The following IGSF23 variants were observed in gnomAD, a reference collection of about 807,000 sequenced individuals.
The protein encoded by IGSF23 is immunoglobulin superfamily member 23, also known as immunoglobulin superfamily, member 23.
Under a neutral mutation model 17.8 loss-of-function variants are expected in IGSF23, and 14 were observed. The ratio of observed to expected loss-of-function variants is 0.79; its 90% confidence interval spans 0.52 to 1.23. The LOEUF is 1.23. Among genes scored for constraint, IGSF23 ranks in the 50% most tolerant of loss-of-function variants. The pLI, the probability that IGSF23 is intolerant of heterozygous loss-of-function variation, is 0.00. For synonymous variants in IGSF23, 85 were observed against 92.5 expected (o/e 0.92, Z 0.46); for missense variants, 214 against 241.7 (o/e 0.89, Z 0.76).
In IGSF23 at chr19:44,633,923, TG is replaced by T. The variant is rs1972825867; in HGVS notation, c.546-1477del. ...CTGCTTTCCAGGGAACAGAAGTAGA[TG>T]TAACAATTTGAATTTCCTCATTGTA... On this transcript the variant is annotated intron_variant, in intron 3 of 4. Transcript: ENST00000402988. Among the ~76,000 whole-genome samples, 3 of 152,344 alleles carry T rather than the reference TG, an allele frequency of 2.0e-5. No individual in the cohort carries two copies. In the South Asian group the frequency reaches 6.2e-4, roughly 32 times the overall value.
intron 4 of IGSF23, among the ~76,000 whole-genome samples, chr19:44,636,022 G>A (rs1337548537): frequency 6.6e-6 from 1 of 152,180 alleles, no homozygotes; most frequent in Non-Finnish European, 1.5e-5. Flanking sequence ...TCATAGCTGG[G>A]ACAACTGGCC....
chr19:44,631,227 AC>A (rs1972759683), intron 3 of IGSF23, among the ~76,000 whole-genome samples: 3 of 152,178 alleles, frequency 2.0e-5, no homozygotes, highest in Admixed American at 2.0e-4. Context: ...TTATTGCTCT[AC>A]TGCACTCCAG....
chr19:44,625,007 C>T (rs1394289871), intron 2 of IGSF23, among the ~76,000 whole-genome samples: 1 of 151,676 alleles, frequency 6.6e-6, no homozygotes, highest in South Asian at 2.1e-4. Flanking sequence ...TTTAAGGCTA[C>T]AGTGAGCTGT....
At chr19:44,624,893 C>A in intron 2 of IGSF23, among the ~76,000 whole-genome samples, 1 of 118,930 alleles carries the variant, frequency 8.4e-6, no homozygotes, top group African/African-American at 3.2e-5. Flanking sequence ...GAGACCCTGT[C>A]TCTACCAAAA....
intron 1 of IGSF23, among the ~76,000 whole-genome samples, chr19:44,619,860 T>C (rs1218740234): frequency 6.6e-6 from 1 of 152,222 alleles, no homozygotes; most frequent in Non-Finnish European, 1.5e-5. Context: ...GGTCACATTC[T>C]GAGGTACTGG....
intron 2 of IGSF23, among the ~76,000 whole-genome samples, chr19:44,627,085 G>C (rs754485970): frequency 6.6e-5 from 10 of 152,162 alleles, no homozygotes; most frequent in Admixed American, 2.0e-4. Flanking sequence ...GGCAATGAGA[G>C]AGATGAGGCT....
intron 1 of IGSF23, among the ~76,000 whole-genome samples, chr19:44,614,535 C>G (rs547595232): frequency 6.6e-6 from 1 of 152,170 alleles, no homozygotes; most frequent in East Asian, 1.9e-4. Context: ...TGGGCTGAAG[C>G]TGTTCTCCTG....
chr19:44,631,131 A>G (rs2123726584), intron 3 of IGSF23, among the ~76,000 whole-genome samples: 1 of 150,668 alleles, frequency 6.6e-6, no homozygotes, highest in Admixed American at 6.6e-5. Context: ...ACTGGGCATG[A>G]TAACACATGC....
chr19:44,624,477 G>GTT (rs1011260855), intron 2 of IGSF23, among the ~76,000 whole-genome samples: 5 of 151,846 alleles, frequency 3.3e-5, no homozygotes, highest in Non-Finnish European at 7.4e-5. Context: ...GAGAGACGGG[G>GTT]TTTCACTGTG....
At chr19:44,633,763 C>T (rs1292039589) in intron 3 of IGSF23, among the ~76,000 whole-genome samples, 1 of 152,154 alleles carries the variant, frequency 6.6e-6, no homozygotes, top group Non-Finnish European at 1.5e-5. Context: ...GAATGTTTAT[C>T]AGTAATTTGA....
chr19:44,624,115 T>C (rs1972583778), intron 2 of IGSF23, 143 bp downstream of exon 2: 3 of 679,020 alleles, frequency 4.4e-6, no homozygotes, highest in East Asian at 2.7e-5. Flanking sequence ...GTCATTCCAA[T>C]GTTCCATCCA....
intron 3 of IGSF23, among the ~76,000 whole-genome samples, chr19:44,629,779 G>A (rs959204381): frequency 2.0e-5 from 3 of 151,580 alleles, no homozygotes; most frequent in Admixed American, 6.6e-5. Flanking sequence ...GACTACAGGC[G>A]GGCACCACCA....
chr19:44,635,238 C>T (rs532657132), intron 3 of IGSF23, among the ~76,000 whole-genome samples, 163 bp from the exon 4 acceptor site: 1 of 152,304 alleles, frequency 6.6e-6, no homozygotes, highest in South Asian at 2.1e-4. Context: ...CTTATGATCT[C>T]ATTTAACCTT....
rs746440712 is a variant in IGSF23 at position 44,627,488 on chromosome 19, T to C, written c.460T>C (p.Ser154Pro). ...CCCCACTCTGTCCCTGTCAGGAGGC[T>C]CTGCCATCGGGCTCCTTGCGGCTGG... ...PDPTLSLSGG[S>P]AIGLLAAGIL... The change falls in exon 3 of 5, where the codon TCT (serine) becomes CCT (proline). Residue 154 changes from serine to proline, a missense_variant. Transcript: ENST00000402988. 7.1e-6 allele frequency: 11 copies of C among 1,550,512 alleles called. No homozygotes were observed. The highest frequency in any genetic ancestry group is 1.2e-5 in the South Asian group (1 of 84,056).
rs1972298688 is a variant in IGSF23 at position 44,613,592 on chromosome 19, G to A, written c.-54G>A. On this transcript the variant is annotated 5_prime_UTR_variant, in exon 1 of 5. Coordinates refer to ENST00000402988, the MANE Select transcript of IGSF23 (RefSeq NM_001205280.2). ...CTTGCCTTTGATGTGAGTGATAGGA[G>A]CGGGCGATTCTGCTTCTCCCTCCAT... 6.7e-7 allele frequency: 1 copy of A among 1,495,740 alleles called. No individual in the cohort carries two copies. 92.7% of individuals were successfully genotyped at this position (1,495,740 alleles called of 1,614,324 possible).
intron 1 of IGSF23, chr19:44,618,039 G>C (rs1336406719): frequency 8.5e-6 from 4 of 469,606 alleles, no homozygotes; most frequent in Non-Finnish European, 1.8e-5. Flanking sequence ...TCAAGGAGAG[G>C]AATCAATGAT....
chr19:44,634,123 C>A (rs546984743), intron 3 of IGSF23, among the ~76,000 whole-genome samples: 2 of 152,170 alleles, frequency 1.3e-5, no homozygotes, highest in African/African-American at 4.8e-5. Flanking sequence ...AAATCTACTG[C>A]GGCACTACCG....
intron 2 of IGSF23, among the ~76,000 whole-genome samples, chr19:44,624,727 C>T (rs950237099): frequency 6.6e-6 from 1 of 151,920 alleles, no homozygotes; most frequent in Non-Finnish European, 1.5e-5. Context: ...CTCTTTGCCT[C>T]TCTGAGTCTC....
At position 44,636,510 on chromosome 19, in the gene IGSF23, A is replaced by G. The variant is rs1225108091; in HGVS notation, c.*123A>G. 1 of 152,196 alleles carries G rather than the reference A, an allele frequency of 6.6e-6. No individual in the cohort carries two copies. Among genetic ancestry groups the G allele is most frequent in the Non-Finnish European group, 1.5e-5 (1 of 68,050 alleles). The allele number at this position is 152,196 out of a possible 1,614,324, so 9.4% of individuals were successfully genotyped here. ...ACATCTCTGTTCAAGGGAACAACCC[A>G]ACGTAACCAGACTCCCTTTGCCCTG... is the stretch of plus-strand genomic sequence containing the variant. On this transcript the variant is annotated 3_prime_UTR_variant, in exon 5 of 5. Transcript: ENST00000402988.
Sources: allele counts gnomAD v4.1 joint callset (sites outside exome capture counted in the v4.1 genomes callset), GRCh38; gene constraint gnomAD v4.1.1; transcripts MANE v1.5; gene names NCBI Gene and HGNC (gene_info 2026-07-23, HGNC 2026-07-21).